Variants in AIG1 observed in about 807,000 individuals in gnomAD.
AIG1 encodes the protein androgen induced 1.
In AIG1, 23 loss-of-function variants were observed where a neutral mutation model predicts 31.4. The observed-to-expected ratio is 0.73, with a 90% CI of 0.53 to 1.04. AIG1 has a LOEUF of 1.04. Among genes scored for constraint, AIG1 ranks in the 50% least tolerant of loss-of-function variants. The probability of loss-of-function intolerance (pLI) is 0.00; values close to 1 mark genes in which losing one functional copy is unlikely to be tolerated. For synonymous variants in AIG1, 100 were observed against 110.5 expected, an observed-to-expected ratio of 0.90 and a Z score of 0.60; for missense variants, 274 against 295.0, an observed-to-expected ratio of 0.93 and a Z score of 0.52.
At chr6:143,108,115 G>A (rs893203377) in intron 1 of AIG1, among the ~76,000 whole-genome samples, 3 of 152,106 alleles carry the variant, frequency 2.0e-5, no homozygotes, top group African/African-American at 7.2e-5. Context: ...TTAGAATATA[G>A]GCAAGGTCTT....
At chr6:143,277,378 C>A in intron 3 of AIG1, among the ~76,000 whole-genome samples, 1 of 152,178 alleles carries the variant, frequency 6.6e-6, no homozygotes, top group Non-Finnish European at 1.5e-5. Flanking sequence ...ATCCCATCTT[C>A]GTAGGCAAGT....
At chr6:143,074,492 T>G (rs550643944) in intron 1 of AIG1, among the ~76,000 whole-genome samples, 1 of 152,352 alleles carries the variant, frequency 6.6e-6, no homozygotes, top group East Asian at 1.9e-4. Flanking sequence ...CACCATTTAT[T>G]GAAGAGATTA....
chr6:143,316,450 G>A lies in AIG1; in HGVS notation c.516-16832G>A, dbSNP rs537627400. ...ATCCCTTCTAGCTTGTAAGGTTTCTGCTGAGAAATCTGCTGTTAATCTGTT... is the reference window on the plus strand; with the variant it reads ...ATCCCTTCTAGCTTGTAAGGTTTCTACTGAGAAATCTGCTGTTAATCTGTT... On this transcript the variant is annotated intron_variant, in intron 4 of 5. Coordinates refer to ENST00000357847, the MANE Select transcript of AIG1 (RefSeq NM_016108.4). 7.9e-5 allele frequency among the ~76,000 whole-genome samples: 12 copies of A among 152,166 alleles called. No homozygotes were observed. In the South Asian group the frequency reaches 2.5e-3, roughly 32 times the overall value.
At chr6:143,094,364 C>T (rs1301527416) in intron 1 of AIG1, 3 of 152,168 alleles carry the variant, frequency 2.0e-5, no homozygotes, top group Non-Finnish European at 2.9e-5. Context: ...AAAGCACTAA[C>T]AGAAGTACGT....
chr6:143,153,200 G>A (rs1238025766), intron 2 of AIG1, among the ~76,000 whole-genome samples: 2 of 152,166 alleles, frequency 1.3e-5, no homozygotes, highest in Non-Finnish European at 2.9e-5. Flanking sequence ...GGAAATGTGC[G>A]AGGTACAAGG....
At position 143,193,142 on chromosome 6, in the gene AIG1, A is replaced by G. The variant is rs1024968240; in HGVS notation, c.399+27959A>G. ...CAAAACCACTCTGAAGAGATTTTCT[A>G]TTATTTTACTCAATATGAGTGTATC... On this transcript the variant is annotated intron_variant, in intron 3 of 5. Transcript: ENST00000357847. Among the ~76,000 whole-genome samples, 8 of 152,204 alleles carry G rather than the reference A, an allele frequency of 5.3e-5. No individual in the cohort carries two copies. The South Asian group carries it at 1.2e-3, about 24-fold the overall frequency.
intron 3 of AIG1, among the ~76,000 whole-genome samples, chr6:143,273,888 C>A (rs1267174556): frequency 1.3e-5 from 2 of 152,104 alleles, no homozygotes; most frequent in Non-Finnish European, 2.9e-5. Context: ...ACAGCCAAAC[C>A]ATATCAGTTT....
chr6:143,336,653 C>A (rs969487969), intron 5 of AIG1, among the ~76,000 whole-genome samples: 3 of 152,164 alleles, frequency 2.0e-5, no homozygotes, highest in Non-Finnish European at 4.4e-5. Context: ...CTCTCCCCAC[C>A]AGAATACATG....
intron 3 of AIG1, among the ~76,000 whole-genome samples, chr6:143,254,421 C>T (rs1795224239): frequency 6.6e-6 from 1 of 152,170 alleles, no homozygotes; most frequent in South Asian, 2.1e-4. Context: ...CTTCCCTGGA[C>T]ACTTGAACAG....
Position 143,339,643 on chromosome 6 carries a change from G to A in AIG1, c.684G>A (p.Met228Ile). Residue 228 changes from methionine (M) to isoleucine (I), a missense_variant, in exon 6 of 6, where the codon ATG (methionine) becomes ATA (isoleucine). Physicochemically the swap from Met to Ile is conservative, Grantham distance 10. Around this residue, in one of 2 missense-constraint regions of AIG1, gnomAD observed 31 missense variants for 56.5 expected, o/e 0.55. Transcript: ENST00000357847. The stretch of plus-strand genomic sequence containing the variant: ...ACACTTTGCCTGTATTTCTAGGTAT[G>A]GAAGAAGAGAAAGAAAAGCCTAAAT... Reference protein sequence around the residue: ...NNYIWDTQKSMEEEKEKPKLE With the variant: ...NNYIWDTQKSIEEEKEKPKLE 6.2e-7 allele frequency: 1 copy of A among 1,613,066 alleles called. No individual in the cohort carries two copies. The highest frequency in any genetic ancestry group is 8.5e-7 in the Non-Finnish European group (1 of 1,179,594).
intron 3 of AIG1, among the ~76,000 whole-genome samples, chr6:143,251,351 C>A (rs1465202366): frequency 6.6e-6 from 1 of 152,152 alleles, no homozygotes; most frequent in Admixed American, 6.5e-5. Flanking sequence ...CGTGCCCGGC[C>A]GATTGTTGTT....
intron 4 of AIG1, among the ~76,000 whole-genome samples, chr6:143,319,607 C>T (rs1402683953): frequency 6.6e-6 from 1 of 152,046 alleles, no homozygotes; most frequent in Non-Finnish European, 1.5e-5. Flanking sequence ...CCACCTGTTC[C>T]TCAAAAACTA....
intron 3 of AIG1, among the ~76,000 whole-genome samples, chr6:143,281,237 C>T (rs1035677194): frequency 2.6e-5 from 4 of 152,238 alleles, no homozygotes; most frequent in Admixed American, 1.3e-4. Flanking sequence ...ATTAACCTTT[C>T]TGAGCCTTTT....
chr6:143,097,645 C>G (rs141667435), intron 1 of AIG1, among the ~76,000 whole-genome samples: 1 of 152,174 alleles, frequency 6.6e-6, no homozygotes. Flanking sequence ...GCCTCTTTCA[C>G]CTGTTTTCCT....
upstream of AIG1, among the ~76,000 whole-genome samples, chr6:143,060,265 T>A (rs1776109855): frequency 6.6e-6 from 1 of 152,228 alleles, no homozygotes; most frequent in African/African-American, 2.4e-5. Context: ...CAGTCGTTTG[T>A]CAACACTGAA....
chr6:143,164,819 C>G (rs1481547342), intron 2 of AIG1: 1 of 316,490 alleles, frequency 3.2e-6, no homozygotes, highest in Non-Finnish European at 5.9e-6. Context: ...TACACGAAAA[C>G]AGGCCTCTTC....
intron 2 of AIG1, among the ~76,000 whole-genome samples, chr6:143,142,082 C>CT (rs1169039626): frequency 6.6e-6 from 1 of 151,956 alleles, no homozygotes; most frequent in East Asian, 1.9e-4. Context: ...AACTTTCTGT[C>CT]TTTGTTTTAT....
chr6:143,095,492 G>A (rs113051543), intron 1 of AIG1, among the ~76,000 whole-genome samples: 1 of 152,038 alleles, frequency 6.6e-6, no homozygotes, highest in African/African-American at 2.4e-5. Context: ...TACACAAAGA[G>A]CACTCCAGAA....
At position 143,284,035 on chromosome 6, in the gene AIG1, C is replaced by T. The variant is rs2128679966; in HGVS notation, c.400-75C>T. 9.4e-7 allele frequency: 1 copy of T among 1,064,180 alleles called. No individual in the cohort carries two copies. Among genetic ancestry groups the T allele is most frequent in the Admixed American group, 2.0e-5 (1 of 50,232 alleles). 65.9% of individuals were successfully genotyped at this position (1,064,180 alleles called of 1,614,324 possible). A position where few individuals can be genotyped will look rare whatever the true frequency, so the allele number is the denominator to read the frequency against. The stretch of plus-strand genomic sequence containing the variant: ...TTCCTAGGAATTTATAGTGTGCATT[C>T]TCCTACTGGTGAAAAAACAACTATA... On this transcript the variant is annotated intron_variant, in intron 3 of 5. Transcript: ENST00000357847. This position sits in a 1 kb window ranked among gnomAD's most constrained non-coding sequence, Gnocchi z 4.4.
Sources: gnomAD v4.1 joint callset for allele counts (sites outside exome capture counted in the v4.1 genomes callset) on GRCh38, gnomAD v4.1.1 for gene constraint, gnomAD v4.1.1 regional missense constraint, Gnocchi (gnomAD v3.1) non-coding constraint, MANE v1.5 for transcripts, NCBI Gene and HGNC (gene_info 2026-07-23, HGNC 2026-07-21) for gene names.